Variants in CFAP299 observed in about 807,000 individuals in gnomAD.
CFAP299 encodes cilia and flagella associated protein 299.
A neutral mutation model predicts 27.0 loss-of-function variants in CFAP299; 21 were observed. The ratio of observed to expected loss-of-function variants is 0.78; its 90% CI spans 0.55 to 1.12. The LOEUF (loss-of-function observed/expected upper bound fraction) is 1.12, where lower values mean the gene tolerates loss of function less well. CFAP299 is among the 50% of genes most tolerant of loss of function. The pLI, the probability that CFAP299 is intolerant of heterozygous loss-of-function variation, is 0.00. For missense variants in CFAP299, 310 were observed against 276.6 expected, an observed-to-expected ratio of 1.12 and a Z score of -0.86; for synonymous variants, 104 against 98.1, an observed-to-expected ratio of 1.06 and a Z score of -0.36.
Position 80,799,202 on chromosome 4 carries a change from T to A in CFAP299, c.334-70791T>A, listed in dbSNP as rs567066276. Among the ~76,000 whole-genome samples the A allele has an allele frequency of 3.6e-3, 364 of 101,734 alleles. 28 individuals carry two copies. The highest frequency in any genetic ancestry group is 0.014 in the African/African-American group (332 of 23,216). The allele number at this position is 101,734 out of a possible 152,430, so 66.7% of individuals were successfully genotyped here. A position where few individuals can be genotyped will look rare whatever the true frequency, so the allele number is the denominator to read the frequency against. Reference sequence around the variant, plus strand: ...TTGTATAAATATATTTATATAATATTTATATATATATTGTATAAATATATT... The same window carrying A: ...TTGTATAAATATATTTATATAATATATATATATATATTGTATAAATATATT... On this transcript the variant is annotated intron_variant, in intron 3 of 5. Transcript: ENST00000358105.
intron 3 of CFAP299, among the ~76,000 whole-genome samples, chr4:80,598,284 G>C (rs527436430): frequency 1.3e-5 from 2 of 152,284 alleles, no homozygotes; most frequent in East Asian, 1.9e-4. Context: ...CAGTGTACTA[G>C]TATGGAACAC....
chr4:80,542,177 C>T (rs1734027401), intron 2 of CFAP299, among the ~76,000 whole-genome samples: 1 of 152,116 alleles, frequency 6.6e-6, no homozygotes, highest in African/African-American at 2.4e-5. Context: ...GGCTCTCAGG[C>T]CTTCAATCTC....
chr4:80,784,664 T>G (rs1172647003), intron 3 of CFAP299, among the ~76,000 whole-genome samples: 1 of 152,018 alleles, frequency 6.6e-6, no homozygotes, highest in South Asian at 2.1e-4. Flanking sequence ...ATTACAGGCA[T>G]GTGCCACCAC....
chr4:80,520,428 A>G (rs1321758917), intron 2 of CFAP299, among the ~76,000 whole-genome samples: 2 of 152,188 alleles, frequency 1.3e-5, no homozygotes, highest in East Asian at 3.9e-4. Flanking sequence ...CTTTATCTTC[A>G]TTCTCAGAAC....
At chr4:80,839,276 G>A (rs1348015307) in intron 3 of CFAP299, among the ~76,000 whole-genome samples, 1 of 152,012 alleles carries the variant, frequency 6.6e-6, no homozygotes, top group Non-Finnish European at 1.5e-5. Flanking sequence ...CAGCATCATC[G>A]CAAAGTATGT....
At chr4:80,396,808 G>A (rs747234798) in intron 2 of CFAP299, among the ~76,000 whole-genome samples, 14 of 152,114 alleles carry the variant, frequency 9.2e-5, no homozygotes, top group Non-Finnish European at 1.6e-4. Context: ...TTTTAGCATC[G>A]ATGTTCATCA....
Position 80,747,040 on chromosome 4 carries a change from G to A in CFAP299, c.334-122953G>A, listed in dbSNP as rs1724651243. 1.3e-5 allele frequency among the ~76,000 whole-genome samples: 2 copies of A among 151,912 alleles called. 1 individual carries two copies. Among genetic ancestry groups the A allele is most frequent in the African/African-American group, 4.8e-5 (2 of 41,418 alleles). ...TGGGCTCTGAACCCAAGAAGAATTA[G>A]GCAAGGAGCCTAAAGGAAATGCAGT... On this transcript the variant is annotated intron_variant, in intron 3 of 5. Coordinates refer to ENST00000358105, the MANE Select transcript of CFAP299 (RefSeq NM_152770.3).
At chr4:80,467,017 A>C (rs1169476659) in intron 2 of CFAP299, among the ~76,000 whole-genome samples, 1 of 152,212 alleles carries the variant, frequency 6.6e-6, no homozygotes, top group African/African-American at 2.4e-5. Context: ...AGTTTAGCTG[A>C]AGGCTATGGA....
In CFAP299 at chr4:80,583,136, A is replaced by T; in HGVS notation, c.286A>T (p.Thr96Ser). 6.2e-7 allele frequency: 1 copy of T among 1,606,190 alleles called. No homozygotes were observed. The highest frequency in any genetic ancestry group is 8.5e-7 in the Non-Finnish European group (1 of 1,174,942). Residue 96 changes from threonine to serine, a missense_variant, in exon 3 of 6, where the codon ACG becomes TCG. Transcript: ENST00000358105. Reference sequence around the variant, plus strand: ...TAAAGACCTACAAGATAATTTTCTGACGGCCCTGGCAATGAGAGAAGAAGA... The same window carrying T: ...TAAAGACCTACAAGATAATTTTCTGTCGGCCCTGGCAATGAGAGAAGAAGA... ...AGKDLQDNFL[T>S]ALAMREEDNR...
At position 80,938,683 on chromosome 4, in the gene CFAP299, C is replaced by T. The variant is rs1036190782; in HGVS notation, c.477-6127C>T. Among the ~76,000 whole-genome samples, 15 of 152,134 alleles carry T rather than the reference C, an allele frequency of 9.9e-5. No individual in the cohort carries two copies. In the East Asian group the frequency reaches 1.4e-3, roughly 14 times the overall value. ...TAGCGCTGCTAGGTTAGGGTCTCCC[C>T]GACTGAGCTGGCCTCGGCAATTCTG... On this transcript the variant is annotated intron_variant, in intron 4 of 5. Transcript: ENST00000358105.
At chr4:80,394,775 T>C (rs902068595) in intron 2 of CFAP299, among the ~76,000 whole-genome samples, 1 of 152,174 alleles carries the variant, frequency 6.6e-6, no homozygotes, top group Non-Finnish European at 1.5e-5. Flanking sequence ...TTCTGGTTCA[T>C]TGGCTTGTAT....
intron 3 of CFAP299, among the ~76,000 whole-genome samples, chr4:80,607,937 A>G (rs1737762806): frequency 6.6e-6 from 1 of 152,180 alleles, no homozygotes; most frequent in Non-Finnish European, 1.5e-5. Context: ...CTGGGAGCCT[A>G]TGTATTGTAA....
intron 3 of CFAP299, among the ~76,000 whole-genome samples, chr4:80,844,269 A>T (rs1731037779): frequency 6.6e-6 from 1 of 152,178 alleles, no homozygotes; most frequent in Admixed American, 6.5e-5. Context: ...GTATATACCT[A>T]GTAATGGGAT....
intron 4 of CFAP299, among the ~76,000 whole-genome samples, chr4:80,882,032 G>T (rs1372969632): frequency 1.3e-5 from 2 of 151,996 alleles, no homozygotes; most frequent in Non-Finnish European, 2.9e-5. Flanking sequence ...TTAAAGACAG[G>T]TTATTTTAAA....
chr4:80,735,562 A>G (rs765567438), intron 3 of CFAP299, among the ~76,000 whole-genome samples: 15 of 152,144 alleles, frequency 9.9e-5, no homozygotes, highest in Non-Finnish European at 1.8e-4. Context: ...ATAAGATACT[A>G]GCTGTGGGTC....
intron 3 of CFAP299, among the ~76,000 whole-genome samples, chr4:80,591,105 A>ATTTTTTT (rs70944795): frequency 2.4e-5 from 3 of 126,884 alleles, no homozygotes; most frequent in African/African-American, 9.1e-5. Context: ...ACTTTAGGAA[A>ATTTTTTT]TTTTTTTTTT....
intron 3 of CFAP299, among the ~76,000 whole-genome samples, chr4:80,864,495 TATATAC>T (rs1176553666): frequency 1.8e-4 from 26 of 147,516 alleles, no homozygotes; most frequent in Admixed American, 4.8e-4. Context: ...TATACACATA[TATATAC>T]ATATATACCT....
chr4:80,678,538 C>G (rs1719623639), intron 3 of CFAP299, among the ~76,000 whole-genome samples: 1 of 151,956 alleles, frequency 6.6e-6, no homozygotes, highest in Non-Finnish European at 1.5e-5. Flanking sequence ...TTTGAAATGA[C>G]TGAGTCACAA....
intron 2 of CFAP299, among the ~76,000 whole-genome samples, chr4:80,478,422 T>A (rs1730388244): frequency 1.3e-5 from 2 of 152,150 alleles, no homozygotes; most frequent in African/African-American, 4.8e-5. Flanking sequence ...ATTTAAAAAT[T>A]CTTTTTTGTT....
Sources: gnomAD v4.1 joint callset for allele counts (sites outside exome capture counted in the v4.1 genomes callset) on GRCh38, gnomAD v4.1.1 for gene constraint, MANE v1.5 for transcripts, NCBI Gene and HGNC (gene_info 2026-07-23, HGNC 2026-07-21) for gene names.